The following STPG2 variants were observed in gnomAD, a reference collection of about 807,000 sequenced individuals.
The protein encoded by STPG2 is sperm tail PG-rich repeat containing 2.
A neutral mutation model predicts 54.2 loss-of-function variants in STPG2; 56 were observed. That is an observed-to-expected ratio of 1.03 (90% CI 0.83 to 1.29). STPG2 has a LOEUF of 1.29. Ranked by LOEUF, STPG2 falls within the 50% of genes most tolerant of loss-of-function variation. The pLI is 0.00. For missense variants in STPG2, 596 were observed against 544.9 expected (o/e 1.09, Z -0.93); for synonymous variants, 200 against 181.8 (o/e 1.10, Z -0.81).
chr4:98,140,704 G>GA (rs1740257819), intron 1 of STPG2, among the ~76,000 whole-genome samples: 1 of 151,914 alleles, frequency 6.6e-6, no homozygotes, highest in East Asian at 1.9e-4. Flanking sequence ...AGTATTGCTG[G>GA]AAAAAATTAT....
At chr4:97,631,872 TTCTA>T (rs924933584) in intron 10 of STPG2, among the ~76,000 whole-genome samples, 3 of 152,086 alleles carry the variant, frequency 2.0e-5, no homozygotes, top group East Asian at 1.9e-4. Context: ...CTTTTTTCTT[TTCTA>T]TCTCTCAATT....
intron 8 of STPG2, among the ~76,000 whole-genome samples, chr4:97,862,420 A>C (rs938247268): frequency 6.6e-6 from 1 of 152,116 alleles, no homozygotes; most frequent in Non-Finnish European, 1.5e-5. Flanking sequence ...TATGCACCCA[A>C]TACAAGAGCA....
At chr4:97,771,685 G>T (rs1578550247) in intron 9 of STPG2, among the ~76,000 whole-genome samples, 1 of 152,210 alleles carries the variant, frequency 6.6e-6, no homozygotes, top group African/African-American at 2.4e-5. Context: ...CATGCAGAGG[G>T]AATGGGGAGC....
intron 2 of STPG2, among the ~76,000 whole-genome samples, chr4:98,131,130 A>G (rs929518161): frequency 9.2e-5 from 14 of 151,862 alleles, no homozygotes; most frequent in Admixed American, 8.5e-4. Context: ...ATTTTTTCCC[A>G]TTCTTTTTAA....
intron 7 of STPG2, among the ~76,000 whole-genome samples, chr4:97,965,633 G>A (rs1047506041): frequency 6.6e-5 from 10 of 152,268 alleles, no homozygotes; most frequent in South Asian, 4.1e-4. Flanking sequence ...CCTCTGGGAC[G>A]AAGCTTCCAG....
chr4:97,880,960 A>T lies in STPG2; in HGVS notation c.1045-40028T>A, dbSNP rs541150550. 3.3e-5 allele frequency among the ~76,000 whole-genome samples: 5 copies of T among 152,164 alleles called. No homozygotes were observed. In the South Asian group the frequency reaches 1.0e-3, roughly 32 times the overall value. The stretch of plus-strand genomic sequence containing the variant: ...TATTCTCAAACTGTTCTCCTATAAA[A>T]ATTACTCTTAATGAGGAAAGGATTT... On this transcript the variant is annotated intron_variant, in intron 8 of 10. Coordinates refer to ENST00000295268, the MANE Select transcript of STPG2 (RefSeq NM_174952.3).
intron 5 of STPG2, among the ~76,000 whole-genome samples, chr4:98,057,163 C>A (rs1737509663): frequency 6.6e-6 from 1 of 152,120 alleles, no homozygotes; most frequent in African/African-American, 2.4e-5. Flanking sequence ...TCCAAATAAC[C>A]ACATCACCTC....
At chr4:97,849,509 G>T (rs552602035) in intron 8 of STPG2, among the ~76,000 whole-genome samples, 1 of 151,640 alleles carries the variant, frequency 6.6e-6, no homozygotes, top group Admixed American at 6.6e-5. Context: ...GAAAATTTTC[G>T]CAACCTACTC....
At chr4:97,541,048 G>C (rs552630335) in intron 4 of STPG2, among the ~76,000 whole-genome samples, 3 of 152,200 alleles carry the variant, frequency 2.0e-5, no homozygotes, top group African/African-American at 4.8e-5. Context: ...CATTCCCTTT[G>C]AAAAATGGCA....
intron 9 of STPG2, among the ~76,000 whole-genome samples, chr4:97,729,320 G>T (rs1478187215): frequency 6.6e-6 from 1 of 152,060 alleles, no homozygotes; most frequent in Non-Finnish European, 1.5e-5. Flanking sequence ...TGGTGGAAAA[G>T]TAATCATGTT....
At chr4:97,634,368 T>G (rs1313708674) in intron 10 of STPG2, among the ~76,000 whole-genome samples, 3 of 151,772 alleles carry the variant, frequency 2.0e-5, no homozygotes, top group Admixed American at 1.3e-4. Context: ...AGACCAAAAG[T>G]AGATAAAACC....
At chr4:97,950,021 G>T (rs1331191168) in intron 7 of STPG2, among the ~76,000 whole-genome samples, 2 of 151,878 alleles carry the variant, frequency 1.3e-5, no homozygotes, top group African/African-American at 2.4e-5. Context: ...TTAATCTATT[G>T]TTAAAACCTC....
chr4:97,913,605 C>A (rs1731761824), intron 8 of STPG2, among the ~76,000 whole-genome samples: 1 of 152,052 alleles, frequency 6.6e-6, no homozygotes, highest in African/African-American at 2.4e-5. Flanking sequence ...ATAGGTAATT[C>A]CAAGTTTGGC....
At chr4:97,446,327 C>G (rs1043824327) in intron 4 of STPG2, among the ~76,000 whole-genome samples, 21 of 152,186 alleles carry the variant, frequency 1.4e-4, no homozygotes, top group African/African-American at 4.8e-4. Context: ...TCTAGAGGAA[C>G]ACAGATTGTC....
intron 8 of STPG2, among the ~76,000 whole-genome samples, chr4:97,904,800 C>G (rs181671694): frequency 1.3e-5 from 2 of 152,202 alleles, no homozygotes; most frequent in South Asian, 4.1e-4. Flanking sequence ...TTGAGAACTA[C>G]GTGAAGAATG....
intron 9 of STPG2, among the ~76,000 whole-genome samples, chr4:97,757,376 A>C (rs1208256048): frequency 1.3e-5 from 2 of 152,242 alleles, no homozygotes; most frequent in East Asian, 3.9e-4. Flanking sequence ...TATCACTAAC[A>C]CCAAGATGAG....
intron 10 of STPG2, among the ~76,000 whole-genome samples, chr4:97,648,502 G>A (rs142790255): frequency 3.9e-5 from 6 of 152,156 alleles, no homozygotes; most frequent in East Asian, 1.9e-4. Flanking sequence ...TACTTGAATC[G>A]ATCTTATGCT....
At chr4:97,490,385 T>A (rs1269212972) in intron 4 of STPG2, among the ~76,000 whole-genome samples, 1 of 151,480 alleles carries the variant, frequency 6.6e-6, no homozygotes, top group Admixed American at 6.6e-5. Context: ...ATATTAATTA[T>A]TCCCTCTCTC....
At position 98,143,340 on chromosome 4, in the gene STPG2, C is replaced by T; in HGVS notation, c.-190G>A. 1 of 574,442 alleles carries T rather than the reference C, an allele frequency of 1.7e-6. No homozygotes were observed. The highest frequency in any genetic ancestry group is 3.1e-6 in the Non-Finnish European group (1 of 320,154). The allele number at this position is 574,442 out of a possible 1,614,324, so 35.6% of individuals were successfully genotyped here. A position where few individuals can be genotyped will look rare whatever the true frequency, so the allele number is the denominator to read the frequency against. ...TCATTGATACCAGATTTCCTCAAAT[C>T]GATTTCTAGCTCTGTGGTAAAGTAG... On this transcript the variant is annotated 5_prime_UTR_variant, in exon 1 of 11. Transcript: ENST00000295268.
Sources: gnomAD v4.1 joint callset for allele counts (sites outside exome capture counted in the v4.1 genomes callset) on GRCh38, gnomAD v4.1.1 for gene constraint, MANE v1.5 for transcripts, NCBI Gene and HGNC (gene_info 2026-07-23, HGNC 2026-07-21) for gene names.